Variants in RAPGEF5 observed in about 807,000 individuals in gnomAD.
The protein encoded by RAPGEF5 is Rap guanine nucleotide exchange factor 5.
In RAPGEF5, 65 loss-of-function variants were observed where a neutral mutation model predicts 125.2. The observed-to-expected ratio is 0.52, with a 90% CI of 0.43 to 0.64. RAPGEF5 has a LOEUF of 0.64. RAPGEF5 is among the 30% of genes least tolerant of loss of function. The probability of loss-of-function intolerance (pLI) is 0.00; values close to 1 mark genes in which losing one functional copy is unlikely to be tolerated. For synonymous variants in RAPGEF5, 391 were observed against 385.9 expected (o/e 1.01, Z -0.16); for missense variants, 958 against 1,048.1 (o/e 0.91, Z 1.19).
intron 7 of RAPGEF5, among the ~76,000 whole-genome samples, chr7:22,261,442 T>TA (rs1782153109): frequency 6.6e-6 from 1 of 151,336 alleles, no homozygotes; most frequent in African/African-American, 2.4e-5. Context: ...CTACCAAAAA[T>TA]AAAAAAATAA....
At chr7:22,200,723 A>G (rs932004553) in intron 9 of RAPGEF5, among the ~76,000 whole-genome samples, 1 of 152,200 alleles carries the variant, frequency 6.6e-6, no homozygotes, top group Non-Finnish European at 1.5e-5. Context: ...GAAAAACTGT[A>G]TGTATTCAAT....
intron 1 of RAPGEF5, among the ~76,000 whole-genome samples, chr7:22,348,531 A>G (rs1365750608): frequency 6.6e-6 from 1 of 152,206 alleles, no homozygotes; most frequent in Non-Finnish European, 1.5e-5. Context: ...TAAATCTCCA[A>G]GTAGATGTGT....
chr7:22,291,105 A>C, intron 6 of RAPGEF5, 70 bp downstream of exon 6: 1 of 1,482,850 alleles, frequency 6.7e-7, no homozygotes. Flanking sequence ...CATCACCCAA[A>C]GAACTTCCCT....
rs184006498 is a variant in RAPGEF5, at chr7:22,140,548, C to T, written c.2187-433G>A. ...ACCCCACAGGTCTAAGCTCCCCCTC[C>T]CATTACATTTAGGCACATTTTCTTT... On this transcript the variant is annotated intron_variant, in intron 20 of 25. Coordinates refer to ENST00000665637, the MANE Select transcript of RAPGEF5 (RefSeq NM_012294.5). Among the ~76,000 whole-genome samples the T allele has an allele frequency of 1.2e-4, 19 of 152,290 alleles. No individual in the cohort carries two copies. In the East Asian group the frequency reaches 2.7e-3, roughly 22 times the overall value.
At chr7:22,128,482 C>T (rs1782815190) in intron 24 of RAPGEF5, among the ~76,000 whole-genome samples, 1 of 152,178 alleles carries the variant, frequency 6.6e-6, no homozygotes, top group Non-Finnish European at 1.5e-5. Flanking sequence ...CAAGTTAATT[C>T]ACTTAGGTTC....
intron 5 of RAPGEF5, among the ~76,000 whole-genome samples, chr7:22,296,962 G>GC (rs1783077285): frequency 1.3e-5 from 2 of 152,222 alleles, no homozygotes; most frequent in Admixed American, 6.5e-5. Flanking sequence ...TGGCAACATG[G>GC]AAGACTTCTG....
chr7:22,248,519 C>T (rs1280308436), intron 7 of RAPGEF5, among the ~76,000 whole-genome samples: 1 of 152,160 alleles, frequency 6.6e-6, no homozygotes, highest in East Asian at 1.9e-4. Flanking sequence ...ACCAGATGGA[C>T]ACACCACTTC....
chr7:22,257,300 C>T (rs1304283996), intron 7 of RAPGEF5, among the ~76,000 whole-genome samples: 4 of 152,080 alleles, frequency 2.6e-5, no homozygotes, highest in African/African-American at 9.7e-5. Context: ...AAATAAGAAG[C>T]ATACATAGAA....
At chr7:22,162,165 T>C (rs1446503899) in intron 13 of RAPGEF5, among the ~76,000 whole-genome samples, 4 of 151,718 alleles carry the variant, frequency 2.6e-5, no homozygotes, top group Admixed American at 1.3e-4. Flanking sequence ...ATTTTGAATG[T>C]TTTGATTTAC....
In RAPGEF5 at chr7:22,289,855, T is replaced by G. The variant is rs555305746; in HGVS notation, c.747+1320A>C. 2.6e-5 allele frequency among the ~76,000 whole-genome samples: 4 copies of G among 152,278 alleles called. No homozygotes were observed. The East Asian group carries it at 7.7e-4, about 29-fold the overall frequency. On this transcript the variant is annotated intron_variant, in intron 6 of 25. Transcript: ENST00000665637. Reference sequence around the variant, plus strand: ...GAGTTCTCACAAGATCTGATGGTTTTATAAGTGTGTGACACTTCCTCCTAC... The same window carrying G: ...GAGTTCTCACAAGATCTGATGGTTTGATAAGTGTGTGACACTTCCTCCTAC...
intron 9 of RAPGEF5, among the ~76,000 whole-genome samples, chr7:22,210,372 G>C (rs545412357): frequency 6.6e-6 from 1 of 152,300 alleles, no homozygotes; most frequent in African/African-American, 2.4e-5. Context: ...CCTAGCCAAG[G>C]CAAGATCATG....
At chr7:22,205,512 A>G (rs1186893823) in intron 9 of RAPGEF5, among the ~76,000 whole-genome samples, 1 of 152,234 alleles carries the variant, frequency 6.6e-6, no homozygotes, top group Non-Finnish European at 1.5e-5. Flanking sequence ...ACTGGGGATA[A>G]AAGTTCAAAT....
At chr7:22,168,493 A>G (rs887149079) in intron 11 of RAPGEF5, among the ~76,000 whole-genome samples, 1 of 151,710 alleles carries the variant, frequency 6.6e-6, no homozygotes, top group African/African-American at 2.4e-5. Flanking sequence ...ACATACACTC[A>G]ATAGTGCTTA....
At position 22,189,669 on chromosome 7, in the gene RAPGEF5, A is replaced by G. The variant is rs984981847; in HGVS notation, c.1204+3698T>C. On this transcript the variant is annotated intron_variant, in intron 11 of 25. Transcript: ENST00000665637. ...TTTCAAGTCAAAACCTGAACCTTGG[A>G]AAAAAAAAAGGAAATCTTTGAAAAC... Among the ~76,000 whole-genome samples the G allele has an allele frequency of 2.9e-4, 44 of 150,042 alleles. 1 individual carries two copies. Among genetic ancestry groups the G allele is most frequent in the African/African-American group, 6.8e-4 (28 of 40,902 alleles).
At chr7:22,249,279 C>T (rs955444053) in intron 7 of RAPGEF5, among the ~76,000 whole-genome samples, 10 of 152,142 alleles carry the variant, frequency 6.6e-5, no homozygotes, top group African/African-American at 2.2e-4. Flanking sequence ...GCAACCTCAG[C>T]GTCCCAGGTT....
chr7:22,140,007 T>C lies in RAPGEF5; in HGVS notation c.2277+18A>G, dbSNP rs1215154034. The C allele has an allele frequency of 1.3e-6, 2 of 1,542,676 alleles. No individual in the cohort carries two copies. The highest frequency in any genetic ancestry group is 1.2e-5 in the South Asian group (1 of 83,970). The stretch of plus-strand genomic sequence containing the variant: ...TTTCCATTTTATGTGCCCCTCACCA[T>C]GGGACTCCAAGGCTCACCTCCCAGG... On this transcript the variant is annotated intron_variant, in intron 21 of 25. Coordinates refer to ENST00000665637, the MANE Select transcript of RAPGEF5 (RefSeq NM_012294.5).
At chr7:22,230,270 C>G (rs920855437) in intron 8 of RAPGEF5, among the ~76,000 whole-genome samples, 1 of 152,146 alleles carries the variant, frequency 6.6e-6, no homozygotes, top group Non-Finnish European at 1.5e-5. Context: ...ACATTACTGT[C>G]CATGCAATCT....
rs184130113 is a variant in RAPGEF5 at position 22,291,336 on chromosome 7, T to C, written c.681-95A>G. ...GAATAAAGGGCAAATAATGTCATTG[T>C]TATTATATTAGCAAAAGTACTCATG... On this transcript the variant is annotated intron_variant, in intron 5 of 25. Coordinates refer to ENST00000665637, the MANE Select transcript of RAPGEF5 (RefSeq NM_012294.5). 13 of 1,433,646 alleles carry C rather than the reference T, an allele frequency of 9.1e-6. No homozygotes were observed. In the African/African-American group the frequency reaches 1.4e-4, roughly 16 times the overall value. 88.8% of individuals were successfully genotyped at this position (1,433,646 alleles called of 1,614,324 possible).
chr7:22,191,189 C>A (rs1420981925), intron 11 of RAPGEF5, among the ~76,000 whole-genome samples: 1 of 152,060 alleles, frequency 6.6e-6, no homozygotes, highest in East Asian at 1.9e-4. Flanking sequence ...TTAATATCTC[C>A]TTTTCTTCAA....
Sources: gnomAD v4.1 joint callset for allele counts (sites outside exome capture counted in the v4.1 genomes callset) on GRCh38, gnomAD v4.1.1 for gene constraint, MANE v1.5 for transcripts, NCBI Gene and HGNC (gene_info 2026-07-23, HGNC 2026-07-21) for gene names.